GRB10: variants seen among roughly 807,000 people sequenced by gnomAD.
GRB10 encodes growth factor receptor-bound protein 10.
A neutral mutation model predicts 80.9 loss-of-function variants in GRB10; 20 were observed. The observed-to-expected ratio is 0.25, with a 90% CI of 0.17 to 0.36. GRB10 has a LOEUF of 0.36. Ranked by LOEUF, GRB10 falls within the 10% of genes least tolerant of loss-of-function variation. GRB10 has a pLI of 1.00. For missense variants in GRB10, 548 were observed against 747.7 expected (o/e 0.73, Z 3.12); for synonymous variants, 291 against 291.5 (o/e 1.00, Z 0.02).
At chr7:50,725,139 T>A (rs2068402974) in intron 4 of GRB10, among the ~76,000 whole-genome samples, 1 of 152,136 alleles carries the variant, frequency 6.6e-6, no homozygotes, top group African/African-American at 2.4e-5. Flanking sequence ...CTCATGTCCA[T>A]CCCCAAGGTT....
intron 7 of GRB10, among the ~76,000 whole-genome samples, chr7:50,631,010 A>G (rs1038925583): frequency 6.6e-6 from 1 of 152,170 alleles, no homozygotes; most frequent in African/African-American, 2.4e-5. Context: ...GTAGATCATT[A>G]TATCTCCACG....
intron 6 of GRB10, among the ~76,000 whole-genome samples, chr7:50,674,027 G>A (rs977087850): frequency 6.6e-6 from 1 of 152,180 alleles, no homozygotes; most frequent in Non-Finnish European, 1.5e-5. Flanking sequence ...GAGGTCTGGG[G>A]TTGCACGACA....
intron 4 of GRB10, among the ~76,000 whole-genome samples, chr7:50,729,788 A>G (rs1464623067): frequency 7.1e-6 from 1 of 140,784 alleles, no homozygotes; most frequent in Non-Finnish European, 1.5e-5. Flanking sequence ...TTGCTTCAGA[A>G]TTAGTATCAT....
intron 2 of GRB10, among the ~76,000 whole-genome samples, chr7:50,773,240 T>C (rs763450729): frequency 2.0e-5 from 3 of 151,756 alleles, no homozygotes; most frequent in Non-Finnish European, 4.4e-5. Context: ...GTCCCTCCCA[T>C]AGCATGTGGA....
chr7:50,681,256 A>G (rs367827150), intron 5 of GRB10, among the ~76,000 whole-genome samples: 1 of 152,202 alleles, frequency 6.6e-6, no homozygotes, highest in African/African-American at 2.4e-5. Context: ...CTGGGAGACA[A>G]GAAGGGGAGC....
At chr7:50,683,063 A>C (rs1004847794) in intron 5 of GRB10, among the ~76,000 whole-genome samples, 4 of 152,266 alleles carry the variant, frequency 2.6e-5, no homozygotes, top group African/African-American at 9.6e-5. Flanking sequence ...CCAAAGGCGG[A>C]AACAGCACAA....
chr7:50,722,331 C>T (rs73124711), intron 4 of GRB10, among the ~76,000 whole-genome samples: 12,782 of 152,210 alleles, frequency 0.084, 924 homozygotes, highest in Admixed American at 0.19. Flanking sequence ...ATAGAAAGGT[C>T]CCCTGGAAGG....
chr7:50,626,748 T>C (rs1281777039), intron 8 of GRB10, 74 bp downstream of exon 8: 2 of 1,557,508 alleles, frequency 1.3e-6, no homozygotes, highest in African/African-American at 1.4e-5. Flanking sequence ...ACATTTGGCA[T>C]TTGGCAGCAG....
chr7:50,619,712 T>C (rs945426388), intron 8 of GRB10, among the ~76,000 whole-genome samples: 5 of 152,034 alleles, frequency 3.3e-5, no homozygotes, highest in Admixed American at 2.6e-4. Flanking sequence ...TGGAAGGAGA[T>C]AGAAGCTTTT....
At chr7:50,750,003 G>A (rs2073827539) in intron 3 of GRB10, among the ~76,000 whole-genome samples, 1 of 152,348 alleles carries the variant, frequency 6.6e-6, no homozygotes, top group South Asian at 2.1e-4. Context: ...GTAACAGCCT[G>A]TTGATCCTGC....
At chr7:50,744,190 C>T (rs1475323758) in intron 3 of GRB10, among the ~76,000 whole-genome samples, 1 of 152,142 alleles carries the variant, frequency 6.6e-6, no homozygotes, top group Non-Finnish European at 1.5e-5. Flanking sequence ...GACGCAGGCG[C>T]TGCAACACCA....
chr7:50,701,279 C>T (rs1015549796), intron 5 of GRB10, among the ~76,000 whole-genome samples: 5 of 152,142 alleles, frequency 3.3e-5, no homozygotes, highest in African/African-American at 4.8e-5. Context: ...ATCCACATTC[C>T]GTCTTCCTCA....
At chr7:50,694,068 C>G (rs982428028) in intron 5 of GRB10, among the ~76,000 whole-genome samples, 1 of 152,154 alleles carries the variant, frequency 6.6e-6, no homozygotes, top group African/African-American at 2.4e-5. Context: ...ACTCTGCAAT[C>G]CTGGCTCATG....
intron 7 of GRB10, among the ~76,000 whole-genome samples, chr7:50,637,904 T>C (rs1205682162): frequency 6.6e-6 from 1 of 152,136 alleles, no homozygotes; most frequent in Non-Finnish European, 1.5e-5. Context: ...GCCACATACT[T>C]ACAACCAACT....
chr7:50,634,340 G>A (rs2054550869), intron 7 of GRB10, among the ~76,000 whole-genome samples: 1 of 152,158 alleles, frequency 6.6e-6, no homozygotes, highest in South Asian at 2.1e-4. Flanking sequence ...ATAAGCCAAT[G>A]CTGAGGGAAT....
chr7:50,666,983 T>C (rs897494136), intron 7 of GRB10, among the ~76,000 whole-genome samples: 2 of 139,860 alleles, frequency 1.4e-5, no homozygotes, highest in African/African-American at 5.4e-5. Context: ...GAGCTTGCAG[T>C]GAGCCGAGAT....
intron 5 of GRB10, among the ~76,000 whole-genome samples, chr7:50,697,169 G>A (rs1314211518): frequency 1.3e-5 from 2 of 152,194 alleles, no homozygotes; most frequent in Non-Finnish European, 2.9e-5. Flanking sequence ...TGCTTAATGG[G>A]TACAGAGTTT....
chr7:50,597,454 T>C (rs528188987), intron 17 of GRB10, among the ~76,000 whole-genome samples: 52 of 152,372 alleles, frequency 3.4e-4, no homozygotes, highest in Admixed American at 1.6e-3. Context: ...GTCAGAGTCA[T>C]GTCATTCCAA....
chr7:50,632,984 G>C (rs2054290171), intron 7 of GRB10, among the ~76,000 whole-genome samples: 1 of 152,136 alleles, frequency 6.6e-6, no homozygotes, highest in Admixed American at 6.5e-5. Context: ...GTGCAGGACG[G>C]GATCCCTGGG....
Sources: gnomAD v4.1 joint callset for allele counts (sites outside exome capture counted in the v4.1 genomes callset) on GRCh38, gnomAD v4.1.1 for gene constraint, MANE v1.5 for transcripts, NCBI Gene and HGNC (gene_info 2026-07-23, HGNC 2026-07-21) for gene names.